The following ADAMTS2 variants were observed in gnomAD, a reference collection of about 807,000 sequenced individuals.
The protein encoded by ADAMTS2 is A disintegrin and metalloproteinase with thrombospondin motifs 2.
In ADAMTS2, 50 loss-of-function variants were observed where a neutral mutation model predicts 123.0. The observed-to-expected ratio is 0.41, with a 90% CI of 0.32 to 0.51. ADAMTS2 has a LOEUF of 0.51. ADAMTS2 is among the 20% of genes least tolerant of loss of function. ADAMTS2 has a pLI of 0.35. For synonymous variants in ADAMTS2, 678 were observed against 695.4 expected, an observed-to-expected ratio of 0.98 and a Z score of 0.39; for missense variants, 1,494 against 1,705.2, an observed-to-expected ratio of 0.88 and a Z score of 2.18.
At position 179,150,588 on chromosome 5, in the gene ADAMTS2, G is replaced by A. The variant is rs114937014; in HGVS notation, c.1629+1554C>T. Among the ~76,000 whole-genome samples the A allele has an allele frequency of 3.9e-5, 6 of 152,320 alleles. No homozygotes were observed. The East Asian group carries it at 1.2e-3, about 29-fold the overall frequency. On this transcript the variant is annotated intron_variant, in intron 10 of 21. Coordinates refer to ENST00000251582, the MANE Select transcript of ADAMTS2 (RefSeq NM_014244.5). ...CCCACACGACGGGAGGTTATTCAGCGATCGAGAGAAATGGAATGTGGATAG... is the reference window on the plus strand; with the variant it reads ...CCCACACGACGGGAGGTTATTCAGCAATCGAGAGAAATGGAATGTGGATAG...
Position 179,228,831 on chromosome 5 carries a change from G to A in ADAMTS2, c.689-21116C>T, listed in dbSNP as rs555176774. Among the ~76,000 whole-genome samples, 57 of 152,314 alleles carry A rather than the reference G, an allele frequency of 3.7e-4. No individual in the cohort carries two copies. The highest frequency in any genetic ancestry group is 1.2e-3 in the African/African-American group (48 of 41,560). On this transcript the variant is annotated intron_variant, in intron 3 of 21. Transcript: ENST00000251582. The surrounding 1 kb of genome is among the most constrained non-coding windows in gnomAD (Gnocchi z 5.2). Reference sequence around the variant, plus strand: ...CCACAACTCTGGAGCTAGGAAGCCCGGTGCTCCTTCCCAGAGGAGGGAGCC... The same window carrying A: ...CCACAACTCTGGAGCTAGGAAGCCCAGTGCTCCTTCCCAGAGGAGGGAGCC...
chr5:179,132,787 G>A lies in ADAMTS2; in HGVS notation c.2199C>T (p.Pro733=). ...CAGGGACCCACTCACCATGCTTCTTGGGTGACCGTGTGAACGTGCCCTTGA... is the reference window on the plus strand; with the variant it reads ...CAGGGACCCACTCACCATGCTTCTTAGGTGACCGTGTGAACGTGCCCTTGA... The part of the protein sequence containing the change: ...KVVKGTFTRS[P]KKHGYIKMFE... Residue 733 remains proline, a synonymous_variant, in exon 14 of 22, where the codon CCC becomes CCT. Transcript: ENST00000251582. The surrounding 1 kb of genome is among the most constrained non-coding windows in gnomAD (Gnocchi z 6.1). The A allele has an allele frequency of 1.2e-6, 2 of 1,614,068 alleles. No individual in the cohort carries two copies. The highest frequency in any genetic ancestry group is 1.7e-6 in the Non-Finnish European group (2 of 1,179,986).
At chr5:179,344,236 GCC>G in intron 1 of ADAMTS2, 75 bp from the exon 2 acceptor site, 1 of 1,507,482 alleles carries the variant, frequency 6.6e-7, no homozygotes, top group Non-Finnish European at 8.9e-7. Flanking sequence ...GGCAAGCCAC[GCC>G]CCCCCAGACC....
At chr5:179,259,698 G>A (rs968904279) in intron 3 of ADAMTS2, among the ~76,000 whole-genome samples, 4 of 152,306 alleles carry the variant, frequency 2.6e-5, no homozygotes, top group Admixed American at 1.3e-4. Flanking sequence ...CATCTTCCTC[G>A]CCATCTGCAG....
chr5:179,320,066 G>A lies in ADAMTS2; in HGVS notation c.534+23701C>T, dbSNP rs370064534. 5.1e-4 allele frequency among the ~76,000 whole-genome samples: 77 copies of A among 152,334 alleles called. No homozygotes were observed. In the East Asian group the frequency reaches 0.012, roughly 23 times the overall value. On this transcript the variant is annotated intron_variant, in intron 2 of 21. Coordinates refer to ENST00000251582, the MANE Select transcript of ADAMTS2 (RefSeq NM_014244.5). ...CCCAGCCTTCTGTTTGCCTTGCAGA[G>A]CCAGCCGACTCCCAGGAGAGCTGTA...
Position 179,144,968 on chromosome 5 carries a change from T to G in ADAMTS2, c.1630-4933A>C, listed in dbSNP as rs60692169. Among the ~76,000 whole-genome samples the G allele has an allele frequency of 9.7e-3, 1,472 of 152,306 alleles. 28 individuals carry two copies. Among genetic ancestry groups the G allele is most frequent in the African/African-American group, 0.033 (1,357 of 41,560 alleles). On this transcript the variant is annotated intron_variant, in intron 10 of 21. Coordinates refer to ENST00000251582, the MANE Select transcript of ADAMTS2 (RefSeq NM_014244.5). ...CAACCCACAGAATGGGAGGAAATAT[T>G]TGCAGACCACTTACACTGGTGAGTG...
At position 179,137,914 on chromosome 5, in the gene ADAMTS2, G is replaced by A; in HGVS notation, c.1806C>T (p.Gly602=). Reference sequence around the variant, plus strand: ...TGCAGAGCTGGAAGTCGTAGGCAAGGCCCGAGCAGGTGCGGCCCCCGTTGG... The same window carrying A: ...TGCAGAGCTGGAAGTCGTAGGCAAGACCCGAGCAGGTGCGGCCCCCGTTGG... ...HPANGGRTCS[G]LAYDFQLCSR... The change falls in exon 12 of 22, where the codon GGC becomes GGT. Residue 602 remains glycine (G), a synonymous_variant. Transcript: ENST00000251582. The A allele has an allele frequency of 6.4e-7, 1 of 1,551,280 alleles. No homozygotes were observed. The highest frequency in any genetic ancestry group is 8.7e-7 in the Non-Finnish European group (1 of 1,149,122).
rs139831512 is a variant in ADAMTS2, at chr5:179,340,467, A to G, written c.534+3300T>C. 2.2e-3 allele frequency among the ~76,000 whole-genome samples: 339 copies of G among 152,358 alleles called. 3 individuals carry two copies. Among genetic ancestry groups the G allele is most frequent in the African/African-American group, 7.6e-3 (317 of 41,590 alleles). Reference sequence around the variant, plus strand: ...ACTGACGATGGTCAAACCCACAATGAGAACGTCTCCAGGAGTCAAATAAGA... The same window carrying G: ...ACTGACGATGGTCAAACCCACAATGGGAACGTCTCCAGGAGTCAAATAAGA... On this transcript the variant is annotated intron_variant, in intron 2 of 21. Transcript: ENST00000251582.
rs1435515073 is a variant in ADAMTS2, at chr5:179,312,407, A to G, written c.534+31360T>C. 2.6e-5 allele frequency among the ~76,000 whole-genome samples: 4 copies of G among 152,190 alleles called. No individual in the cohort carries two copies. Among genetic ancestry groups the G allele is most frequent in the Non-Finnish European group, 5.9e-5 (4 of 68,028 alleles). ...TTTGTGCCCCGATCAGAGGGACCCC[A>G]GAGAGCTCCCTCACCCTTTCAGCAT... On this transcript the variant is annotated intron_variant, in intron 2 of 21. Transcript: ENST00000251582. This position sits in a 1 kb window ranked among gnomAD's most constrained non-coding sequence, Gnocchi z 4.2.
chr5:179,176,953 G>T (rs186261909), intron 5 of ADAMTS2, among the ~76,000 whole-genome samples: 9 of 151,854 alleles, frequency 5.9e-5, no homozygotes, highest in Admixed American at 1.3e-4. Context: ...CCATCTTCAG[G>T]TGTGGGTGGA....
Position 179,130,780 on chromosome 5 carries a change from C to T in ADAMTS2, c.2291-682G>A, listed in dbSNP as rs1296909065. Reference sequence around the variant, plus strand: ...ACAGGGCACTAGTGAGAAAATCATTCCCTGTCACGTCCCCTGTAATTCTGT... The same window carrying T: ...ACAGGGCACTAGTGAGAAAATCATTTCCTGTCACGTCCCCTGTAATTCTGT... On this transcript the variant is annotated intron_variant, in intron 15 of 21. Transcript: ENST00000251582. This position sits in a 1 kb window ranked among gnomAD's most constrained non-coding sequence, Gnocchi z 4.3. Among the ~76,000 whole-genome samples the T allele has an allele frequency of 6.6e-6, 1 of 152,136 alleles. No individual in the cohort carries two copies. The highest frequency in any genetic ancestry group is 1.5e-5 in the Non-Finnish European group (1 of 68,042).
chr5:179,321,317 A>G (rs1026139374), intron 2 of ADAMTS2, among the ~76,000 whole-genome samples: 1 of 152,116 alleles, frequency 6.6e-6, no homozygotes, highest in Admixed American at 6.5e-5. Flanking sequence ...TCCGCAGCTG[A>G]TGTCTGCCCC....
chr5:179,336,025 G>C (rs1301878156), intron 2 of ADAMTS2, among the ~76,000 whole-genome samples: 1 of 152,232 alleles, frequency 6.6e-6, no homozygotes, highest in African/African-American at 2.4e-5. Context: ...TGAAATTTCA[G>C]ATTAGGGCTT....
intron 12 of ADAMTS2, 108 bp downstream of exon 12, chr5:179,137,660 AG>A: frequency 6.9e-7 from 1 of 1,440,444 alleles, no homozygotes; most frequent in East Asian, 2.5e-5. Flanking sequence ...CTGCCAGCCC[AG>A]GGTCGCGGCA....
rs967065049 is a variant in ADAMTS2 at position 179,121,589 on chromosome 5, C to T, written c.3178+72G>A. ...TTTCCATAGACAGAGAGGAGGGGGG[C>T]CCAAGGCAAGCTCCACAGGGCGCAG... On this transcript the variant is annotated intron_variant, in intron 21 of 21. Transcript: ENST00000251582. The T allele has an allele frequency of 2.3e-6, 3 of 1,289,662 alleles. No individual in the cohort carries two copies. The Middle Eastern group carries it at 5.7e-4, about 246-fold the overall frequency. The allele number at this position is 1,289,662 out of a possible 1,614,324, so 79.9% of individuals were successfully genotyped here. A position where few individuals can be genotyped will look rare whatever the true frequency, so the allele number is the denominator to read the frequency against.
chr5:179,320,261 C>A (rs575064728), intron 2 of ADAMTS2, among the ~76,000 whole-genome samples: 1 of 152,352 alleles, frequency 6.6e-6, no homozygotes, highest in Non-Finnish European at 1.5e-5. Flanking sequence ...CTGGCCCCAG[C>A]CACTTCCTTG....
Position 179,314,562 on chromosome 5 carries a change from T to C in ADAMTS2, c.534+29205A>G, listed in dbSNP as rs886614939. On this transcript the variant is annotated intron_variant, in intron 2 of 21. Coordinates refer to ENST00000251582, the MANE Select transcript of ADAMTS2 (RefSeq NM_014244.5). The surrounding 1 kb of genome is among the most constrained non-coding windows in gnomAD (Gnocchi z 4.5). ...CCTGCCTCTGCAGCCCCCCGGGCCG[T>C]GTCTCTCTCTCACGGGCCCACATCC... Among the ~76,000 whole-genome samples the C allele has an allele frequency of 2.6e-5, 4 of 152,072 alleles. No individual in the cohort carries two copies. Among genetic ancestry groups the C allele is most frequent in the Non-Finnish European group, 5.9e-5 (4 of 67,980 alleles).
At chr5:179,122,397 T>C (rs934497251) in intron 20 of ADAMTS2, among the ~76,000 whole-genome samples, 4 of 152,186 alleles carry the variant, frequency 2.6e-5, no homozygotes, top group Non-Finnish European at 4.4e-5. Flanking sequence ...GGCCGAGTCC[T>C]GCTGTCACCG....
intron 11 of ADAMTS2, among the ~76,000 whole-genome samples, chr5:179,139,126 C>T (rs1444768482): frequency 6.6e-6 from 1 of 152,150 alleles, no homozygotes; most frequent in Admixed American, 6.5e-5. Context: ...GAGCCCGCTG[C>T]GCAGGTGGGA....
Sources: gnomAD v4.1 joint callset for allele counts (sites outside exome capture counted in the v4.1 genomes callset) on GRCh38, gnomAD v4.1.1 for gene constraint, Gnocchi (gnomAD v3.1) non-coding constraint, MANE v1.5 for transcripts, NCBI Gene and HGNC (gene_info 2026-07-23, HGNC 2026-07-21) for gene names.